The following MROH2B variants were observed in gnomAD, a reference collection of about 807,000 sequenced individuals.
The protein encoded by MROH2B is maestro heat like repeat family member 2B.
MROH2B carries 177 observed loss-of-function variants against 208.6 expected under a neutral mutation model. That is an observed-to-expected ratio of 0.85 (90% confidence interval 0.75 to 0.96). The LOEUF is 0.96. Among genes scored for constraint, MROH2B ranks in the 40% least tolerant of loss-of-function variants. The pLI is 0.00. For missense variants in MROH2B, 2,002 were observed against 1,878.7 expected (o/e 1.07, Z -1.21); for synonymous variants, 728 against 659.0 (o/e 1.10, Z -1.60).
At chr5:41,023,134 G>A (rs906656326) in intron 24 of MROH2B, among the ~76,000 whole-genome samples, 12 of 152,252 alleles carry the variant, frequency 7.9e-5, no homozygotes, top group African/African-American at 1.7e-4. Flanking sequence ...AAATCAGAGC[G>A]CTCTCCCCCT....
chr5:41,033,817 C>CTATA, intron 22 of MROH2B, 21 bp downstream of exon 22: 1 of 1,045,664 alleles, frequency 9.6e-7, no homozygotes, highest in South Asian at 1.7e-5. Flanking sequence ...ATCTATCTAT[C>CTATA]TATCTATCTA....
At chr5:41,004,744 T>C (rs1741519896) in intron 36 of MROH2B, 30 bp downstream of exon 36, 1 of 1,599,100 alleles carries the variant, frequency 6.3e-7, no homozygotes, top group African/African-American at 1.4e-5. Flanking sequence ...TCTACTTAAA[T>C]GAACCATTTC....
rs201973966 is a variant in MROH2B, at chr5:41,007,479, A to C, written c.3609-25T>G. ...CCTAAAGGAGACAGTCAGCATTACA[A>C]AACTAAGTTGACCCTTATAGGGAAT... On this transcript the variant is annotated intron_variant, in intron 33 of 41. Transcript: ENST00000399564. 96 of 1,529,624 alleles carry C rather than the reference A, an allele frequency of 6.3e-5. 1 individual carries two copies. The East Asian group carries it at 1.8e-3, about 28-fold the overall frequency. 94.8% of individuals were successfully genotyped at this position (1,529,624 alleles called of 1,614,324 possible). A position where few individuals can be genotyped will look rare whatever the true frequency, so the allele number is the denominator to read the frequency against.
chr5:41,033,230 C>A (rs947927661), intron 22 of MROH2B, 70 bp from the exon 23 acceptor site: 1 of 1,568,960 alleles, frequency 6.4e-7, no homozygotes, highest in Non-Finnish European at 8.7e-7. Context: ...AACATGTGAC[C>A]TAGCTTTGAA....
intron 27 of MROH2B, 26 bp downstream of exon 27, chr5:41,018,315 T>C (rs1742022852): frequency 1.3e-6 from 2 of 1,594,756 alleles, no homozygotes; most frequent in African/African-American, 2.7e-5. Flanking sequence ...AGCAATAAAG[T>C]CTATTCATTC....
intron 29 of MROH2B, among the ~76,000 whole-genome samples, chr5:41,014,420 C>T (rs1361329928): frequency 6.6e-6 from 1 of 152,058 alleles, no homozygotes; most frequent in East Asian, 1.9e-4. Flanking sequence ...GGGAACATCA[C>T]ACACCAGGGC....
chr5:41,040,670 T>C (rs1419230447), intron 19 of MROH2B, among the ~76,000 whole-genome samples: 1 of 151,968 alleles, frequency 6.6e-6, no homozygotes, highest in Non-Finnish European at 1.5e-5. Context: ...ACAATTTTTA[T>C]TTTTTTTATT....
Position 41,058,159 on chromosome 5 carries a change from C to T in MROH2B, c.660G>A (p.Leu220=). The change falls in exon 7 of 42, where the codon CTG becomes CTA. Residue 220 remains leucine, a synonymous_variant. Transcript: ENST00000399564. ...ATCCACGGAAGTCTTCCCGATGCAG[C>T]AGCAAGCTCACCGTGGGCCCGTGGG... The part of the protein sequence containing the change: ...VKAHGPTVSL[L]LHREDFRGYA... The T allele has an allele frequency of 6.2e-7, 1 of 1,605,916 alleles. No individual in the cohort carries two copies. The highest frequency in any genetic ancestry group is 1.3e-5 in the African/African-American group (1 of 74,808).
chr5:41,023,373 G>A (rs1218825996), intron 24 of MROH2B, among the ~76,000 whole-genome samples: 3 of 152,178 alleles, frequency 2.0e-5, no homozygotes, highest in Non-Finnish European at 4.4e-5. Context: ...GAAAACCATG[G>A]CACAAGAACT....
Position 40,998,573 on chromosome 5 carries a change from T to C in MROH2B, c.4651+39A>G, listed in dbSNP as rs752126115. On this transcript the variant is annotated intron_variant, in intron 41 of 41. Coordinates refer to ENST00000399564, the MANE Select transcript of MROH2B (RefSeq NM_173489.5). ...GCAATATTTTCTCTTTTCCTAAGAA[T>C]GTAACAATATGCTGGGAAGAAACTA... is the stretch of plus-strand genomic sequence containing the variant. The C allele has an allele frequency of 8.0e-6, 12 of 1,506,948 alleles. No individual in the cohort carries two copies. The Admixed American group carries it at 1.5e-4, about 19-fold the overall frequency. 93.3% of individuals were successfully genotyped at this position (1,506,948 alleles called of 1,614,324 possible).
intron 28 of MROH2B, among the ~76,000 whole-genome samples, chr5:41,017,314 AG>A (rs2111864933): frequency 2.6e-5 from 4 of 152,310 alleles, no homozygotes; most frequent in African/African-American, 9.6e-5. Flanking sequence ...GGAGAGCAGG[AG>A]GAGCTCCTGC....
intron 30 of MROH2B, 113 bp downstream of exon 30, chr5:41,012,470 T>TG: frequency 8.7e-7 from 1 of 1,150,978 alleles, no homozygotes; most frequent in Non-Finnish European, 1.2e-6. Flanking sequence ...CCTCTTGAGG[T>TG]TGTGCAAGCC....
chr5:41,043,815 T>C (rs1468366978), intron 18 of MROH2B, among the ~76,000 whole-genome samples: 2 of 152,208 alleles, frequency 1.3e-5, no homozygotes, highest in Non-Finnish European at 2.9e-5. Flanking sequence ...GCAAAAATGA[T>C]AATGGGTCAG....
At chr5:41,066,962 G>T (rs1425512422) in intron 3 of MROH2B, 146 bp downstream of exon 3, 1 of 635,676 alleles carries the variant, frequency 1.6e-6, no homozygotes. Flanking sequence ...GTAAATATCA[G>T]GCATTATAAC....
At chr5:41,059,817 G>T (rs1743579214) in intron 6 of MROH2B, among the ~76,000 whole-genome samples, 1 of 152,036 alleles carries the variant, frequency 6.6e-6, no homozygotes, top group South Asian at 2.1e-4. Context: ...CTCTGTTTTA[G>T]CCACTTTCCC....
At chr5:41,001,621 G>T (rs900902467) in intron 37 of MROH2B, among the ~76,000 whole-genome samples, 18 of 152,080 alleles carry the variant, frequency 1.2e-4, no homozygotes, top group African/African-American at 4.3e-4. Flanking sequence ...GGAGGGTGAG[G>T]CGTGAGAATT....
chr5:41,031,673 T>C (rs1038453693), intron 24 of MROH2B, among the ~76,000 whole-genome samples: 1 of 152,096 alleles, frequency 6.6e-6, no homozygotes, highest in Non-Finnish European at 1.5e-5. Flanking sequence ...GGATTTGGTG[T>C]ACAGATTATC....
intron 24 of MROH2B, among the ~76,000 whole-genome samples, 170 bp from the exon 25 acceptor site, chr5:41,019,188 C>T (rs747379844): frequency 6.6e-6 from 1 of 152,160 alleles, no homozygotes; most frequent in African/African-American, 2.4e-5. Flanking sequence ...GAGATGGGAA[C>T]ACAGAATCAG....
At chr5:41,046,441 G>GCT (rs55760689) in intron 17 of MROH2B, among the ~76,000 whole-genome samples, 4 of 147,372 alleles carry the variant, frequency 2.7e-5, no homozygotes, top group South Asian at 2.1e-4. Context: ...ATAGAAAAGT[G>GCT]TTTTTTTTTT....
Sources: allele counts gnomAD v4.1 joint callset (sites outside exome capture counted in the v4.1 genomes callset), GRCh38; gene constraint gnomAD v4.1.1; transcripts MANE v1.5; gene names NCBI Gene and HGNC (gene_info 2026-07-23, HGNC 2026-07-21).